The following ZNF318 variants were observed in gnomAD, a reference collection of about 807,000 sequenced individuals.
ZNF318 encodes zinc finger protein 318, also known as endocrine regulator.
Under a neutral mutation model 124.2 loss-of-function variants are expected in ZNF318, and 51 were observed. The ratio of observed to expected loss-of-function variants is 0.41; its 90% CI spans 0.33 to 0.52. The LOEUF is 0.52. Ranked by LOEUF, ZNF318 falls within the 20% of genes least tolerant of loss-of-function variation. The probability of loss-of-function intolerance (pLI) is 0.23; values close to 1 mark genes in which losing one functional copy is unlikely to be tolerated. For missense variants in ZNF318, 2,815 were observed against 2,811.2 expected (o/e 1.00, Z -0.03); for synonymous variants, 1,090 against 1,040.7 (o/e 1.05, Z -0.91).
At chr6:43,352,945 G>A (rs1779552638) in intron 4 of ZNF318, among the ~76,000 whole-genome samples, 1 of 152,146 alleles carries the variant, frequency 6.6e-6, no homozygotes, top group African/African-American at 2.4e-5. Context: ...AGATTAAGTA[G>A]AATACTCAAA....
chr6:43,337,096 A>AT lies in ZNF318; in HGVS notation c.*61dup, dbSNP rs1281377876. ...TGAGATAACAAACTAGTCTTGGATC[A>AT]TCTGGGCATCTGATTTCTAGAAGCC... is the stretch of plus-strand genomic sequence containing the variant. On this transcript the variant is annotated 3_prime_UTR_variant, in exon 10 of 10. Transcript: ENST00000361428. The AT allele has an allele frequency of 2.1e-6, 3 of 1,442,530 alleles. No homozygotes were observed. The highest frequency in any genetic ancestry group is 2.8e-6 in the Non-Finnish European group (3 of 1,079,142). 89.4% of individuals were successfully genotyped at this position (1,442,530 alleles called of 1,614,324 possible).
intron 2 of ZNF318, chr6:43,363,362 T>G (rs992691645): frequency 4.5e-5 from 7 of 155,186 alleles, no homozygotes; most frequent in African/African-American, 1.7e-4. Context: ...GTCACATATC[T>G]TGAAGCCCTT....
chr6:43,359,686 T>C (rs994042573), intron 2 of ZNF318, among the ~76,000 whole-genome samples: 17 of 152,176 alleles, frequency 1.1e-4, no homozygotes, highest in Admixed American at 5.9e-4. Context: ...TCTCAAAACA[T>C]TGCCTTTTCT....
Position 43,356,143 on chromosome 6 carries a change from A to G in ZNF318, c.1191T>C (p.Leu397=), listed in dbSNP as rs551384556. ...EVDIMEPSMQ[L]ESFSSSTSSS... The stretch of plus-strand genomic sequence containing the variant: ...AGCTGGTACTGCTGGAAAAACTCTC[A>G]AGCTGCAAAGACAAACACAACTGAT... The change falls in exon 4 of 10, where the codon CTT becomes CTC. Residue 397 remains leucine (L), a splice_region_variant and synonymous_variant. Transcript: ENST00000361428. The G allele has an allele frequency of 1.6e-5, 25 of 1,608,856 alleles. No individual in the cohort carries two copies. In the East Asian group the frequency reaches 4.9e-4, roughly 32 times the overall value.
chr6:43,357,829 A>C, intron 2 of ZNF318, 64 bp from the exon 3 acceptor site: 2 of 1,441,624 alleles, frequency 1.4e-6, no homozygotes, highest in Non-Finnish European at 1.9e-6. Context: ...AGACAAGGCT[A>C]AGAGACTGGT....
intron 5 of ZNF318, among the ~76,000 whole-genome samples, 174 bp from the exon 6 acceptor site, chr6:43,348,799 C>A (rs371622632): frequency 7.2e-5 from 11 of 152,234 alleles, no homozygotes; most frequent in South Asian, 6.2e-4. Context: ...TTTGGGAGAC[C>A]AAGGCGGGTG....
chr6:43,336,994 GA>G lies in ZNF318; in HGVS notation c.*163del. 2.0e-6 allele frequency: 1 copy of G among 499,484 alleles called. No individual in the cohort carries two copies. The highest frequency in any genetic ancestry group is 3.3e-6 in the Non-Finnish European group (1 of 299,682). 30.9% of individuals were successfully genotyped at this position (499,484 alleles called of 1,614,324 possible). A position where few individuals can be genotyped will look rare whatever the true frequency, so the allele number is the denominator to read the frequency against. On this transcript the variant is annotated 3_prime_UTR_variant, in exon 10 of 10. Transcript: ENST00000361428. ...GGTGTTTTAAGGGGAAAGGGAAAAG[GA>G]AAGGAGGTAAATTTTTTAGCTTCCA...
chr6:43,346,974 T>C (rs1238266045), intron 6 of ZNF318, among the ~76,000 whole-genome samples: 1 of 152,202 alleles, frequency 6.6e-6, no homozygotes, highest in Non-Finnish European at 1.5e-5. Context: ...GGAACACATT[T>C]AATTATAAAA....
At chr6:43,341,993 G>A (rs571369070) in intron 8 of ZNF318, 119 bp downstream of exon 8, 40 of 841,166 alleles carry the variant, frequency 4.8e-5, no homozygotes, top group African/African-American at 2.3e-4. Context: ...GCATTCCTAC[G>A]GCTTTGTTAA....
In ZNF318 at chr6:43,340,884, C is replaced by T. The variant is rs760783797; in HGVS notation, c.3401G>A (p.Ser1134Asn). The T allele has an allele frequency of 1.2e-6, 2 of 1,614,112 alleles. No individual in the cohort carries two copies. The highest frequency in any genetic ancestry group is 3.3e-5 in the Admixed American group (2 of 60,022). Residue 1134 changes from serine to asparagine, a missense_variant, in exon 9 of 10, where the codon AGT (serine) becomes AAT (asparagine). Transcript: ENST00000361428. The stretch of plus-strand genomic sequence containing the variant: ...CTCACAGAGCTGGCAATAAAATCCA[C>T]TGATGGGAACCAGAAACTCAGAGCC... The part of the protein sequence containing the change: ...AKGSEFLVPI[S>N]GFYCQLCEEF...
Position 43,340,422 on chromosome 6 carries a change from T to G in ZNF318, c.3576A>C (p.Thr1192=). Reference sequence around the variant, plus strand: ...TTAGCTCACTCTGCCGTCGCCGTTCTGTCTCTAGGACCACAGCCAAGCCAG... The same window carrying G: ...TTAGCTCACTCTGCCGTCGCCGTTCGGTCTCTAGGACCACAGCCAAGCCAG... ...RQAGLAVVLE[T]ERRRQSELKR... Residue 1192 remains threonine, a synonymous_variant, in exon 10 of 10, where the codon ACA becomes ACC. Transcript: ENST00000361428. 6.2e-7 allele frequency: 1 copy of G among 1,614,174 alleles called. No homozygotes were observed. Among genetic ancestry groups the G allele is most frequent in the African/African-American group, 1.3e-5 (1 of 75,052 alleles).
chr6:43,368,521 G>C (rs1235167429), intron 1 of ZNF318, among the ~76,000 whole-genome samples: 2 of 152,162 alleles, frequency 1.3e-5, no homozygotes, highest in Non-Finnish European at 2.9e-5. Context: ...AGCCTGGTAG[G>C]GTTCAAGCGT....
chr6:43,358,107 A>G (rs1446091746), intron 2 of ZNF318, among the ~76,000 whole-genome samples: 1 of 152,230 alleles, frequency 6.6e-6, no homozygotes, highest in Non-Finnish European at 1.5e-5. Flanking sequence ...CAGCATTAGC[A>G]TTACCTGGGA....
intron 3 of ZNF318, 100 bp downstream of exon 3, chr6:43,357,026 T>C (rs1437882567): frequency 1.4e-6 from 2 of 1,384,470 alleles, no homozygotes; most frequent in African/African-American, 1.4e-5. Context: ...CCAGCACATA[T>C]TACAAAGATA....
intron 1 of ZNF318, 88 bp downstream of exon 1, chr6:43,368,879 T>C (rs1023306664): frequency 7.2e-6 from 9 of 1,255,450 alleles, no homozygotes; most frequent in Non-Finnish European, 2.0e-6. Context: ...AGGACCCTGG[T>C]CTGGAGGCCC....
Position 43,338,625 on chromosome 6 carries a change from C to A in ZNF318, c.5373G>T (p.Gly1791=). ...TGGTACTTACTCCCTCATCAACTAT[C>A]CCCTCAGACAGCTCCTTTACCCTTT... The part of the protein sequence containing the change: ...LKERVKELSE[G]IVDEGVSTSI... The change falls in exon 10 of 10, where the codon GGG becomes GGT. Residue 1791 remains glycine (G), a synonymous_variant. Coordinates refer to ENST00000361428, the MANE Select transcript of ZNF318 (RefSeq NM_014345.3). The A allele has an allele frequency of 6.2e-7, 1 of 1,614,146 alleles. No individual in the cohort carries two copies. The highest frequency in any genetic ancestry group is 8.5e-7 in the Non-Finnish European group (1 of 1,180,008).
At chr6:43,354,351 G>A (rs555388165) in intron 4 of ZNF318, among the ~76,000 whole-genome samples, 15 of 152,198 alleles carry the variant, frequency 9.9e-5, no homozygotes, top group Middle Eastern at 3.4e-3. Context: ...ACTCCACTAC[G>A]AAATCATATT....
intron 2 of ZNF318, among the ~76,000 whole-genome samples, chr6:43,360,179 A>G (rs1240964105): frequency 6.6e-6 from 1 of 152,236 alleles, no homozygotes; most frequent in African/African-American, 2.4e-5. Context: ...CTAAACCAGT[A>G]CTAACTATCA....
At position 43,357,383 on chromosome 6, in the gene ZNF318, G is replaced by T. The variant is rs1481659918; in HGVS notation, c.931C>A (p.Leu311Ile). ...QRRRSPSPRF[L>I]DPEFRELDLA... ...TCCAGTTCTCGAAACTCAGGGTCGAGAAACCTAGGACTTGGGCTTCTTCTA... is the reference window on the plus strand; with the variant it reads ...TCCAGTTCTCGAAACTCAGGGTCGATAAACCTAGGACTTGGGCTTCTTCTA... Residue 311 changes from leucine (L) to isoleucine (I), a missense_variant, in exon 3 of 10, where the codon CTC becomes ATC. Transcript: ENST00000361428. The T allele has an allele frequency of 6.2e-7, 1 of 1,614,196 alleles. No individual in the cohort carries two copies. The highest frequency in any genetic ancestry group is 1.1e-5 in the South Asian group (1 of 91,084).
Sources: allele counts gnomAD v4.1 joint callset (sites outside exome capture counted in the v4.1 genomes callset), GRCh38; gene constraint gnomAD v4.1.1; transcripts MANE v1.5; gene names NCBI Gene and HGNC (gene_info 2026-07-23, HGNC 2026-07-21).